The following BBS9 variants were observed in gnomAD, a reference collection of about 807,000 sequenced individuals.
BBS9 encodes the protein Bardet-Biedl syndrome 9.
A neutral mutation model predicts 117.7 loss-of-function variants in BBS9; 89 were observed. The ratio of observed to expected loss-of-function variants is 0.76; its 90% CI spans 0.64 to 0.90. The LOEUF (loss-of-function observed/expected upper bound fraction) is 0.90. Ranked by LOEUF, BBS9 falls within the 40% of genes least tolerant of loss-of-function variation. BBS9 has a pLI of 0.00. For synonymous variants in BBS9, 379 were observed against 370.9 expected, an observed-to-expected ratio of 1.02 and a Z score of -0.25; for missense variants, 982 against 1,042.2, an observed-to-expected ratio of 0.94 and a Z score of 0.80.
chr7:33,494,053 T>A (rs1489049678), intron 19 of BBS9, among the ~76,000 whole-genome samples: 2 of 152,202 alleles, frequency 1.3e-5, no homozygotes, highest in Non-Finnish European at 2.9e-5. Context: ...CCCCTCTGGC[T>A]TGTGGGTTTT....
At chr7:33,544,037 A>T (rs753184847) in intron 21 of BBS9, among the ~76,000 whole-genome samples, 1 of 152,044 alleles carries the variant, frequency 6.6e-6, no homozygotes, top group Non-Finnish European at 1.5e-5. Context: ...GTGTCCAAAG[A>T]TTCTTGAATT....
At chr7:33,472,692 A>G (rs1444374012) in intron 19 of BBS9, among the ~76,000 whole-genome samples, 1 of 152,222 alleles carries the variant, frequency 6.6e-6, no homozygotes, top group Non-Finnish European at 1.5e-5. Context: ...TGGCATATTT[A>G]ATTGTGTAAG....
chr7:33,527,636 C>T (rs959695044), intron 20 of BBS9, among the ~76,000 whole-genome samples: 1 of 152,198 alleles, frequency 6.6e-6, no homozygotes, highest in Non-Finnish European at 1.5e-5. Context: ...CACTGACCTG[C>T]GCCCACTGTC....
At chr7:33,318,378 CT>C (rs1370926581) in intron 9 of BBS9, among the ~76,000 whole-genome samples, 3 of 152,076 alleles carry the variant, frequency 2.0e-5, no homozygotes, top group African/African-American at 7.2e-5. Context: ...TCTTATAGCT[CT>C]GCTCCTCCTT....
At chr7:33,495,253 C>T (rs886875888) in intron 19 of BBS9, among the ~76,000 whole-genome samples, 3 of 152,172 alleles carry the variant, frequency 2.0e-5, no homozygotes, top group African/African-American at 7.2e-5. Flanking sequence ...GGAGCATGCC[C>T]TACCTGATCA....
rs180881933 is a variant in BBS9, at chr7:33,172,333, A to G, written c.329-5145A>G. On this transcript the variant is annotated intron_variant, in intron 4 of 22. Transcript: ENST00000242067. ...GCGGTGGAGCTTGCAGTGAGCCAAG[A>G]TCGTGCCACTGCACTCCAGCCTGGG... Among the ~76,000 whole-genome samples the G allele has an allele frequency of 5.0e-3, 750 of 151,408 alleles. 6 individuals carry two copies. The highest frequency in any genetic ancestry group is 0.018 in the African/African-American group (724 of 41,368).
At chr7:33,274,104 A>G (rs1800304523) in intron 9 of BBS9, 148 bp downstream of exon 9, 1 of 854,650 alleles carries the variant, frequency 1.2e-6, no homozygotes, top group Non-Finnish European at 1.8e-6. Flanking sequence ...AATTTAAAAT[A>G]TAACTTTTAT....
At chr7:33,367,031 G>A (rs1290326042) in intron 16 of BBS9, among the ~76,000 whole-genome samples, 2 of 152,104 alleles carry the variant, frequency 1.3e-5, no homozygotes, top group African/African-American at 4.8e-5. Context: ...GATATCCAAT[G>A]CTGAGATCCA....
chr7:33,377,141 A>G (rs1364181236), intron 17 of BBS9, among the ~76,000 whole-genome samples: 1 of 151,842 alleles, frequency 6.6e-6, no homozygotes, highest in Non-Finnish European at 1.5e-5. Flanking sequence ...CCAGAATGAT[A>G]TTTTCTAGGT....
At chr7:33,302,760 G>A (rs950311717) in intron 9 of BBS9, among the ~76,000 whole-genome samples, 2 of 152,064 alleles carry the variant, frequency 1.3e-5, no homozygotes, top group African/African-American at 4.8e-5. Context: ...TGGCTATTCT[G>A]GGTCTTTCGT....
chr7:33,522,331 C>G (rs1848750869), intron 20 of BBS9, among the ~76,000 whole-genome samples: 1 of 151,798 alleles, frequency 6.6e-6, no homozygotes, highest in Admixed American at 6.5e-5. Context: ...CACTGACTTC[C>G]ACAATGGTTG....
intron 2 of BBS9, among the ~76,000 whole-genome samples, chr7:33,148,355 A>C (rs1792752164): frequency 6.6e-6 from 1 of 152,098 alleles, no homozygotes; most frequent in Non-Finnish European, 1.5e-5. Flanking sequence ...AGAGTAGTAG[A>C]TTCTGAAAAG....
chr7:33,163,291 T>C (rs1025423803), intron 4 of BBS9, among the ~76,000 whole-genome samples: 8 of 150,288 alleles, frequency 5.3e-5, no homozygotes, highest in Admixed American at 1.3e-4. Flanking sequence ...TAAAATTCTC[T>C]TTTTTTTGCT....
In BBS9 at chr7:33,581,078, G is replaced by T. The variant is rs199893784; in HGVS notation, c.2522-23787G>T. The stretch of plus-strand genomic sequence containing the variant: ...AGGTGTGTATTTTGTGTGTATTTTT[G>T]TGTGTGTGTGTGTGTGTGAGAGAGA... On this transcript the variant is annotated intron_variant, in intron 21 of 22. Transcript: ENST00000242067. Among the ~76,000 whole-genome samples the T allele has an allele frequency of 1.2e-4, 16 of 137,446 alleles. No homozygotes were observed. The East Asian group carries it at 1.4e-3, about 12-fold the overall frequency. The allele number at this position is 137,446 out of a possible 152,430, so 90.2% of individuals were successfully genotyped here. A position where few individuals can be genotyped will look rare whatever the true frequency, so the allele number is the denominator to read the frequency against.
intron 9 of BBS9, among the ~76,000 whole-genome samples, chr7:33,288,909 G>C (rs528414219): frequency 1.3e-4 from 20 of 152,248 alleles, no homozygotes; most frequent in African/African-American, 4.8e-4. Context: ...GGCATAGAGA[G>C]ATCAAATAAC....
intron 19 of BBS9, among the ~76,000 whole-genome samples, chr7:33,500,159 CAATTTG>C (rs1456061839): frequency 3.9e-5 from 6 of 152,186 alleles, no homozygotes; most frequent in Non-Finnish European, 8.8e-5. Flanking sequence ...AGAAACCAGC[CAATTTG>C]AATTGACCTC....
intron 19 of BBS9, among the ~76,000 whole-genome samples, chr7:33,436,745 A>G (rs1345401587): frequency 6.6e-6 from 1 of 152,208 alleles, no homozygotes; most frequent in Non-Finnish European, 1.5e-5. Flanking sequence ...TTTGTTAACA[A>G]AGCTGTGAGC....
rs545606363 is a variant in BBS9 at position 33,204,246 on chromosome 7, A to G, written c.442+26655A>G. Among the ~76,000 whole-genome samples the G allele has an allele frequency of 6.5e-5, 6 of 91,958 alleles. No homozygotes were observed. In the East Asian group the frequency reaches 1.7e-3, roughly 27 times the overall value. 60.3% of individuals were successfully genotyped at this position (91,958 alleles called of 152,430 possible). A position where few individuals can be genotyped will look rare whatever the true frequency, so the allele number is the denominator to read the frequency against. ...ATGTTGAAACCCCGTCTCTACAAAA[A>G]TACAAAAATTAGCCGGTGGTGGTGG... On this transcript the variant is annotated intron_variant, in intron 5 of 22. Transcript: ENST00000242067.
At chr7:33,433,518 C>CT (rs1212736252) in intron 19 of BBS9, among the ~76,000 whole-genome samples, 7 of 152,144 alleles carry the variant, frequency 4.6e-5, no homozygotes, top group African/African-American at 1.7e-4. Flanking sequence ...TTTCCATCAG[C>CT]TTATAACATC....
Sources: gnomAD v4.1 joint callset for allele counts (sites outside exome capture counted in the v4.1 genomes callset) on GRCh38, gnomAD v4.1.1 for gene constraint, MANE v1.5 for transcripts, NCBI Gene and HGNC (gene_info 2026-07-23, HGNC 2026-07-21) for gene names.